The following UACA variants were observed in gnomAD, a reference collection of about 807,000 sequenced individuals.
The protein encoded by UACA is uveal autoantigen with coiled-coil domains and ankyrin repeats.
In UACA, 112 loss-of-function variants were observed where a neutral mutation model predicts 160.5. That is an observed-to-expected ratio of 0.70 (90% CI 0.60 to 0.82). The LOEUF (loss-of-function observed/expected upper bound fraction) is 0.82, where lower values mean the gene tolerates loss of function less well. Ranked by LOEUF, UACA falls within the 40% of genes least tolerant of loss-of-function variation. The pLI, the probability that UACA is intolerant of heterozygous loss-of-function variation, is 0.00. For synonymous variants in UACA, 557 were observed against 568.4 expected, an observed-to-expected ratio of 0.98 and a Z score of 0.29; for missense variants, 1,574 against 1,614.6, an observed-to-expected ratio of 0.97 and a Z score of 0.43.
chr15:70,679,404 A>AAATAAATAAATG (rs1404240034), intron 10 of UACA, among the ~76,000 whole-genome samples: 2 of 115,174 alleles, frequency 1.7e-5, no homozygotes, highest in South Asian at 3.3e-4. Context: ...CCCCATCTCT[A>AAATAAATAAATG]AATAAATAAA....
At chr15:70,664,560 G>A (rs1207423379) in intron 17 of UACA, 102 bp downstream of exon 17, 23 of 1,363,548 alleles carry the variant, frequency 1.7e-5, no homozygotes, top group African/African-American at 4.4e-5. Flanking sequence ...TCTTGGATCC[G>A]AACATAGCTA....
intron 1 of UACA, chr15:70,758,703 G>C (rs985710895): frequency 1.3e-5 from 2 of 152,054 alleles, no homozygotes; most frequent in African/African-American, 4.8e-5. Context: ...AATTCTTTTA[G>C]AAATACCAGT....
At chr15:70,672,589 ATATACTGG>A (rs1442678420) in intron 13 of UACA, among the ~76,000 whole-genome samples, 9 of 152,218 alleles carry the variant, frequency 5.9e-5, no homozygotes, top group Non-Finnish European at 1.3e-4. Flanking sequence ...GTGAATCAAA[ATATACTGG>A]GTTGTTCCTT....
chr15:70,684,432 A>G lies in UACA; in HGVS notation c.617T>C (p.Leu206Pro). ...RDKQNRTALM[L>P]GCEYGCRDAV... ...ATCTCTGCAACCATATTCGCAACCT[A>G]GCATGAGGGCAGTTCTAAATGGAAA... Residue 206 changes from leucine to proline, a missense_variant, in exon 8 of 19, where the codon CTA (leucine) becomes CCA (proline). By Grantham distance (98) the Leu-to-Pro change is moderately conservative (BLOSUM62 -3). Transcript: ENST00000322954. The G allele has an allele frequency of 6.2e-7, 1 of 1,609,916 alleles. No individual in the cohort carries two copies. The highest frequency in any genetic ancestry group is 1.7e-5 in the Admixed American group (1 of 59,074).
In UACA at chr15:70,751,193, C is replaced by T. The variant is rs1251473675; in HGVS notation, c.78+12137G>A. Among the ~76,000 whole-genome samples, 4 of 152,210 alleles carry T rather than the reference C, an allele frequency of 2.6e-5. No homozygotes were observed. In the East Asian group the frequency reaches 7.7e-4, roughly 29 times the overall value. The stretch of plus-strand genomic sequence containing the variant: ...CTTATATTATCTGCTCATGGAGCTC[C>T]CCCACAAAACTATGAGCCTCTTCTT... On this transcript the variant is annotated intron_variant, in intron 1 of 18. Transcript: ENST00000322954.
chr15:70,751,172 T>C (rs556104521), intron 1 of UACA, among the ~76,000 whole-genome samples: 3 of 152,168 alleles, frequency 2.0e-5, no homozygotes, highest in Non-Finnish European at 2.9e-5. Flanking sequence ...TATTACCTTA[T>C]ATTATCTGCT....
intron 17 of UACA, among the ~76,000 whole-genome samples, chr15:70,663,963 T>C (rs1370115846): frequency 6.6e-6 from 1 of 152,082 alleles, no homozygotes; most frequent in African/African-American, 2.4e-5. Context: ...GGTCCATGTA[T>C]ACATATGTAA....
intron 1 of UACA, among the ~76,000 whole-genome samples, chr15:70,719,899 G>A (rs531913751): frequency 2.0e-5 from 3 of 152,262 alleles, no homozygotes; most frequent in East Asian, 3.9e-4. Context: ...ACCCACAATT[G>A]TTATGTGCTT....
chr15:70,705,337 T>C (rs1340087962), intron 1 of UACA, among the ~76,000 whole-genome samples: 1 of 152,060 alleles, frequency 6.6e-6, no homozygotes. Context: ...GAGACCAGCC[T>C]GACCAATGGG....
intron 1 of UACA, among the ~76,000 whole-genome samples, chr15:70,760,350 T>A (rs1328641146): frequency 6.6e-6 from 1 of 152,154 alleles, no homozygotes; most frequent in Non-Finnish European, 1.5e-5. Context: ...TAAATTCAAT[T>A]GTATAAAAAT....
At position 70,668,448 on chromosome 15, in the gene UACA, G is replaced by T. The variant is rs1186628370; in HGVS notation, c.2236C>A (p.Pro746Thr). Residue 746 changes from proline to threonine, a missense_variant, in exon 16 of 19, where the codon CCT becomes ACT. Pro to Thr is a conservative substitution (Grantham distance 38, BLOSUM62 -1). Transcript: ENST00000322954. ...LTIEMKNHYVPLKVSEDMKKS... is the reference protein window; with the variant it reads ...LTIEMKNHYVTLKVSEDMKKS... ...TTCATGTCTTCACTTACTTTTAAAG[G>T]AACATAATGATTTTTCATTTCAATT... 1.9e-6 allele frequency: 3 copies of T among 1,612,024 alleles called. No homozygotes were observed. In the South Asian group the frequency reaches 3.3e-5, roughly 18 times the overall value.
At chr15:70,683,579 A>T (rs1897592546) in intron 8 of UACA, among the ~76,000 whole-genome samples, 1 of 152,192 alleles carries the variant, frequency 6.6e-6, no homozygotes. Context: ...CTTAAACACT[A>T]CATGTAGAAA....
intron 1 of UACA, among the ~76,000 whole-genome samples, chr15:70,700,301 G>GTATATATATATATATATATATATA (rs142277997): frequency 2.3e-5 from 3 of 129,926 alleles, no homozygotes; most frequent in Admixed American, 7.5e-5. Flanking sequence ...GAGGCAAATT[G>GTATATATATATATATATATATATA]TATATATATA....
At chr15:70,678,302 C>T (rs1897361796) in intron 10 of UACA, 96 bp from the exon 11 acceptor site, 1 of 679,608 alleles carries the variant, frequency 1.5e-6, no homozygotes, top group South Asian at 2.0e-5. Flanking sequence ...CATACAGGTA[C>T]ATACATATGT....
At chr15:70,703,394 C>T in intron 1 of UACA, 1 of 692,194 alleles carries the variant, frequency 1.4e-6, no homozygotes, top group Admixed American at 3.7e-5. Flanking sequence ...CTGTTTCCTA[C>T]TAAATTTACA....
At chr15:70,686,785 AC>A in intron 7 of UACA, among the ~76,000 whole-genome samples, 1 of 152,296 alleles carries the variant, frequency 6.6e-6, no homozygotes. Context: ...ACTAGTAACT[AC>A]AAAAATCCCA....
At chr15:70,760,157 A>C (rs2030658728) in intron 1 of UACA, among the ~76,000 whole-genome samples, 1 of 152,206 alleles carries the variant, frequency 6.6e-6, no homozygotes, top group Non-Finnish European at 1.5e-5. Context: ...AAGTACCCAT[A>C]GAGGAAAGAG....
chr15:70,660,072 T>C, intron 18 of UACA, 79 bp downstream of exon 18: 1 of 1,194,720 alleles, frequency 8.4e-7, no homozygotes, highest in Non-Finnish European at 1.2e-6. Flanking sequence ...CATCAATTAC[T>C]TTCACATAAA....
chr15:70,755,682 A>T (rs1255983004), intron 1 of UACA, among the ~76,000 whole-genome samples: 1 of 152,060 alleles, frequency 6.6e-6, no homozygotes, highest in Non-Finnish European at 1.5e-5. Context: ...AAAATAAAAA[A>T]AAAAAAGAAT....
Sources: allele counts gnomAD v4.1 joint callset (sites outside exome capture counted in the v4.1 genomes callset), GRCh38; gene constraint gnomAD v4.1.1; transcripts MANE v1.5; gene names NCBI Gene and HGNC (gene_info 2026-07-23, HGNC 2026-07-21).